The following PAX7 variants were observed in gnomAD, a reference collection of about 807,000 sequenced individuals.
PAX7 encodes paired box protein Pax-7.
In PAX7, 18 loss-of-function variants were observed where a neutral mutation model predicts 50.7. That is an observed-to-expected ratio of 0.36 (90% CI 0.25 to 0.53). The LOEUF (loss-of-function observed/expected upper bound fraction) is 0.53, where lower values mean the gene tolerates loss of function less well. PAX7 is among the 20% of genes least tolerant of loss of function. PAX7 has a pLI of 0.93. For missense variants in PAX7, 644 were observed against 702.9 expected (o/e 0.92, Z 0.95); for synonymous variants, 310 against 290.4 (o/e 1.07, Z -0.69).
chr1:18,631,441 A>AGGGGT lies in PAX7; in HGVS notation c.-158_-154dup. 1.6e-6 allele frequency: 1 copy of AGGGGT among 618,486 alleles called. No homozygotes were observed. Among genetic ancestry groups the AGGGGT allele is most frequent in the Non-Finnish European group, 2.9e-6 (1 of 345,486 alleles). 38.3% of individuals were successfully genotyped at this position (618,486 alleles called of 1,614,324 possible). A position where few individuals can be genotyped will look rare whatever the true frequency, so the allele number is the denominator to read the frequency against. Reference sequence around the variant, plus strand: ...CTTCTGGACGCGTTTGACTGCAGCCAGGGGTGGGGGGTGGGGGTAGGGAGT... The same window carrying AGGGGT: ...CTTCTGGACGCGTTTGACTGCAGCCAGGGGTGGGGTGGGGGGTGGGGGTAGGGAGT... On this transcript the variant is annotated 5_prime_UTR_variant, in exon 1 of 9. Coordinates refer to ENST00000420770, the MANE Select transcript of PAX7 (RefSeq NM_001135254.2).
intron 4 of PAX7, among the ~76,000 whole-genome samples, chr1:18,679,787 A>C (rs1055035764): frequency 6.6e-6 from 1 of 152,218 alleles, no homozygotes; most frequent in African/African-American, 2.4e-5. Flanking sequence ...AGGCATGTTC[A>C]TTCATTCAGT....
At position 18,700,851 on chromosome 1, in the gene PAX7, T is replaced by G; in HGVS notation, c.952+33T>G. On this transcript the variant is annotated intron_variant, in intron 6 of 8. Coordinates refer to ENST00000420770, the MANE Select transcript of PAX7 (RefSeq NM_001135254.2). This position sits in a 1 kb window ranked among gnomAD's most constrained non-coding sequence, Gnocchi z 4.8. ...TCTTGGCCCCGTCCTGCCATCTCAG[T>G]GGTGCCCCTTCCCTTCTTTCTTTAC... 7.3e-7 allele frequency: 1 copy of G among 1,374,758 alleles called. No homozygotes were observed. The highest frequency in any genetic ancestry group is 9.5e-7 in the Non-Finnish European group (1 of 1,053,762). The allele number at this position is 1,374,758 out of a possible 1,614,324, so 85.2% of individuals were successfully genotyped here.
chr1:18,730,967 C>A (rs148397431), intron 7 of PAX7, among the ~76,000 whole-genome samples: 1 of 152,046 alleles, frequency 6.6e-6, no homozygotes, highest in Non-Finnish European at 1.5e-5. Context: ...GAGGAAGGGA[C>A]GGCTGTCTGT....
At chr1:18,645,782 T>A (rs572696564) in intron 4 of PAX7, among the ~76,000 whole-genome samples, 31 of 152,200 alleles carry the variant, frequency 2.0e-4, no homozygotes, top group South Asian at 1.0e-3. Context: ...GACTTGGGAG[T>A]TGGAAGGAGT....
At position 18,646,136 on chromosome 1, in the gene PAX7, G is replaced by A. The variant is rs74056037; in HGVS notation, c.586+9765G>A. 4.7e-3 allele frequency among the ~76,000 whole-genome samples: 717 copies of A among 152,302 alleles called. 9 individuals are homozygous for A. The highest frequency in any genetic ancestry group is 0.016 in the African/African-American group (676 of 41,554). ...CCCACCCGTTCTACCTTTTCCATGG[G>A]GGAAGATTCTGAATGATTGCAGAAT... On this transcript the variant is annotated intron_variant, in intron 4 of 8. Transcript: ENST00000420770.
At chr1:18,669,353 C>T (rs1395488799) in intron 4 of PAX7, among the ~76,000 whole-genome samples, 1 of 152,118 alleles carries the variant, frequency 6.6e-6, no homozygotes, top group Non-Finnish European at 1.5e-5. Context: ...GAGTCAGTGG[C>T]CTTAGGATTT....
chr1:18,647,133 CGGGCCCTGGTGCA>C (rs1257269792), intron 4 of PAX7, among the ~76,000 whole-genome samples: 2 of 152,028 alleles, frequency 1.3e-5, no homozygotes, highest in African/African-American at 4.8e-5. Flanking sequence ...CGAGGGGAGC[CGGGCCCTGGTGCA>C]GGGCCTCGTC....
In PAX7 at chr1:18,744,870, C is replaced by T. The variant is rs927869403; in HGVS notation, c.1459C>T (p.Leu487Phe). The change falls in exon 9 of 9, where the codon CTC (leucine) becomes TTC (phenylalanine). Residue 487 changes from leucine to phenylalanine, a missense_variant. Leu to Phe is a conservative substitution (Grantham distance 22). Transcript: ENST00000420770. ...VSLSTQRRMKLGEHSAVLGLL... is the reference protein window; with the variant it reads ...VSLSTQRRMKFGEHSAVLGLL... Reference sequence around the variant, plus strand: ...CCTCTCCACCCAGCGTCGCATGAAGCTCGGGGAGCACTCTGCTGTGCTGGG... The same window carrying T: ...CCTCTCCACCCAGCGTCGCATGAAGTTCGGGGAGCACTCTGCTGTGCTGGG... 7 of 1,558,694 alleles carry T rather than the reference C, an allele frequency of 4.5e-6. No homozygotes were observed. In the African/African-American group the frequency reaches 5.5e-5, roughly 12 times the overall value.
chr1:18,703,080 G>T lies in PAX7; in HGVS notation c.953-14G>T. The T allele has an allele frequency of 3.7e-6, 6 of 1,611,152 alleles. No individual in the cohort carries two copies. The highest frequency in any genetic ancestry group is 4.2e-6 in the Non-Finnish European group (5 of 1,178,054). ...AGGCCACTTGCTTAGGACCTCTCTT[G>T]GGTCTCTCTACAGATGGGGGCAGCA... On this transcript the variant is annotated splice_polypyrimidine_tract_variant and intron_variant, in intron 6 of 8. Coordinates refer to ENST00000420770, the MANE Select transcript of PAX7 (RefSeq NM_001135254.2).
At position 18,700,359 on chromosome 1, in the gene PAX7, C is replaced by A. The variant is rs2089202676; in HGVS notation, c.787-294C>A. ...TGAGAGCCACACAGGACTGGCTGGA[C>A]CACTGACTCAACCTGGCCCATGGAC... On this transcript the variant is annotated intron_variant, in intron 5 of 8. Coordinates refer to ENST00000420770, the MANE Select transcript of PAX7 (RefSeq NM_001135254.2). The surrounding 1 kb of genome is among the most constrained non-coding windows in gnomAD (Gnocchi z 4.8). Among the ~76,000 whole-genome samples, 1 of 152,098 alleles carries A rather than the reference C, an allele frequency of 6.6e-6. No homozygotes were observed. Among genetic ancestry groups the A allele is most frequent in the South Asian group, 2.1e-4 (1 of 4,826 alleles).
intron 4 of PAX7, among the ~76,000 whole-genome samples, chr1:18,645,835 G>C (rs1223891203): frequency 1.3e-5 from 2 of 152,184 alleles, no homozygotes; most frequent in Non-Finnish European, 2.9e-5. Context: ...CTTGTTCCCA[G>C]TGGAAGCCTG....
intron 7 of PAX7, among the ~76,000 whole-genome samples, chr1:18,711,101 G>A (rs1006283865): frequency 1.3e-5 from 2 of 152,136 alleles, no homozygotes; most frequent in South Asian, 2.1e-4. Context: ...CTCTCCCTCA[G>A]GCCCCATGGG....
chr1:18,700,673 C>T lies in PAX7; in HGVS notation c.807C>T (p.Arg269=), dbSNP rs34360058. 2,684 of 1,576,684 alleles carry T rather than the reference C, an allele frequency of 1.7e-3. 18 individuals carry two copies. The African/African-American group carries it at 0.019, about 11-fold the overall frequency. Residue 269 remains arginine, a synonymous_variant, in exon 6 of 9, where the codon CGC becomes CGT. Transcript: ENST00000420770. This position sits in a 1 kb window ranked among gnomAD's most constrained non-coding sequence, Gnocchi z 4.8. ...CCCAGGTCTGGTTCAGTAACCGCCGCGCCCGTTGGCGTAAGCAGGCAGGAG... is the reference window on the plus strand; with the variant it reads ...CCCAGGTCTGGTTCAGTAACCGCCGTGCCCGTTGGCGTAAGCAGGCAGGAG... ...ARVQVWFSNR[R]ARWRKQAGAN... is the part of the protein sequence containing the mutation.
chr1:18,634,976 C>A lies in PAX7; in HGVS notation c.322-135C>A. 1 of 1,133,898 alleles carries A rather than the reference C, an allele frequency of 8.8e-7. No homozygotes were observed. Among genetic ancestry groups the A allele is most frequent in the Non-Finnish European group, 1.2e-6 (1 of 813,842 alleles). 70.2% of individuals were successfully genotyped at this position (1,133,898 alleles called of 1,614,324 possible). A position where few individuals can be genotyped will look rare whatever the true frequency, so the allele number is the denominator to read the frequency against. ...GGTTTCTTGAAAGGATAAAGCCAAT[C>A]TCTTGGGGGATGGGGGGACACAAGG... On this transcript the variant is annotated intron_variant, in intron 2 of 8. Transcript: ENST00000420770. The surrounding 1 kb of genome is among the most constrained non-coding windows in gnomAD (Gnocchi z 4.0).
chr1:18,709,386 C>T (rs1407141788), intron 7 of PAX7, among the ~76,000 whole-genome samples: 2 of 152,242 alleles, frequency 1.3e-5, no homozygotes, highest in Admixed American at 6.5e-5. Flanking sequence ...TACATATTTA[C>T]AATTTCCCCA....
chr1:18,743,561 T>C (rs993595176), intron 8 of PAX7, among the ~76,000 whole-genome samples: 2 of 152,266 alleles, frequency 1.3e-5, no homozygotes, highest in African/African-American at 4.8e-5. Context: ...CTCTTGCTTC[T>C]GGATCCTACA....
intron 4 of PAX7, among the ~76,000 whole-genome samples, chr1:18,649,861 G>C (rs2088404920): frequency 2.0e-5 from 3 of 152,222 alleles, no homozygotes; most frequent in Admixed American, 2.0e-4. Flanking sequence ...TGTCATTCTG[G>C]AAGAGCCGCT....
Position 18,689,935 on chromosome 1 carries a change from A to C in PAX7, c.587-1819A>C, listed in dbSNP as rs534246330. On this transcript the variant is annotated intron_variant, in intron 4 of 8. Coordinates refer to ENST00000420770, the MANE Select transcript of PAX7 (RefSeq NM_001135254.2). Reference sequence around the variant, plus strand: ...GCCTAGGCCTATTCCTATAATTAACACTTGAAGCGATTGGGAGGAAGGGAT... The same window carrying C: ...GCCTAGGCCTATTCCTATAATTAACCCTTGAAGCGATTGGGAGGAAGGGAT... Among the ~76,000 whole-genome samples the C allele has an allele frequency of 2.0e-4, 31 of 152,268 alleles. No individual in the cohort carries two copies. The South Asian group carries it at 5.8e-3, about 29-fold the overall frequency.
chr1:18,633,981 C>T (rs2088102628), intron 1 of PAX7, among the ~76,000 whole-genome samples: 1 of 152,206 alleles, frequency 6.6e-6, no homozygotes, highest in Admixed American at 6.5e-5. Flanking sequence ...TCATCTCTCT[C>T]CCTCCCCTTC....
Sources: gnomAD v4.1 joint callset for allele counts (sites outside exome capture counted in the v4.1 genomes callset) on GRCh38, gnomAD v4.1.1 for gene constraint, Gnocchi (gnomAD v3.1) non-coding constraint, MANE v1.5 for transcripts, NCBI Gene and HGNC (gene_info 2026-07-23, HGNC 2026-07-21) for gene names.